Variants in PXDNL observed in about 807,000 individuals in gnomAD.
The protein encoded by PXDNL is probable oxidoreductase PXDNL.
PXDNL carries 145 observed loss-of-function variants against 150.8 expected under a neutral mutation model. The observed-to-expected ratio is 0.96, with a 90% CI of 0.84 to 1.10. The LOEUF (loss-of-function observed/expected upper bound fraction) is 1.10. PXDNL is among the 50% of genes least tolerant of loss of function. The pLI, the probability that PXDNL is intolerant of heterozygous loss-of-function variation, is 0.00. For missense variants in PXDNL, 2,087 were observed against 1,873.9 expected, an observed-to-expected ratio of 1.11 and a Z score of -2.10; for synonymous variants, 757 against 725.7, an observed-to-expected ratio of 1.04 and a Z score of -0.69.
rs373994274 is a variant in PXDNL at position 51,408,866 on chromosome 8, G to A, written c.2758C>T (p.Leu920=). The A allele has an allele frequency of 4.8e-5, 77 of 1,591,682 alleles. No individual in the cohort carries two copies. In the African/African-American group the frequency reaches 8.1e-4, roughly 17 times the overall value. ...LRDPSVPRGL[L]KTGFPWPPSG... Reference sequence around the variant, plus strand: ...GGAGGCCAAGGAAAGCCTGTCTTCAGGAGACCCCGAGGCACCGAAGGGTCT... The same window carrying A: ...GGAGGCCAAGGAAAGCCTGTCTTCAAGAGACCCCGAGGCACCGAAGGGTCT... The change falls in exon 17 of 23, where the codon CTG becomes TTG. Residue 920 remains leucine, a synonymous_variant. Coordinates refer to ENST00000356297, the MANE Select transcript of PXDNL (RefSeq NM_144651.5).
chr8:51,679,750 G>C (rs927176361), intron 1 of PXDNL, among the ~76,000 whole-genome samples: 1 of 152,138 alleles, frequency 6.6e-6, no homozygotes, highest in African/African-American at 2.4e-5. Flanking sequence ...TCAAAGCCTG[G>C]TAGTTGAATG....
intron 2 of PXDNL, among the ~76,000 whole-genome samples, chr8:51,620,708 T>TA (rs1004022047): frequency 1.6e-3 from 37 of 23,292 alleles, no homozygotes; most frequent in Non-Finnish European, 2.6e-3. Flanking sequence ...CACGCCCGGC[T>TA]AATTTTTTTT....
At chr8:51,452,629 G>A (rs1305844025) in intron 10 of PXDNL, among the ~76,000 whole-genome samples, 2 of 152,140 alleles carry the variant, frequency 1.3e-5, no homozygotes, top group Non-Finnish European at 2.9e-5. Flanking sequence ...CACTGCACTA[G>A]GCTGGCCACT....
intron 2 of PXDNL, among the ~76,000 whole-genome samples, chr8:51,605,692 T>A (rs1246124116): frequency 6.6e-6 from 1 of 152,176 alleles, no homozygotes; most frequent in African/African-American, 2.4e-5. Flanking sequence ...CCCCAAAAGT[T>A]CATGTGTTGG....
In PXDNL at chr8:51,662,222, CAA is replaced by C. The variant is rs373341221; in HGVS notation, c.165-7464_165-7463del. 2.6e-4 allele frequency among the ~76,000 whole-genome samples: 40 copies of C among 152,132 alleles called. No individual in the cohort carries two copies. The East Asian group carries it at 6.8e-3, about 26-fold the overall frequency. On this transcript the variant is annotated intron_variant, in intron 1 of 22. Coordinates refer to ENST00000356297, the MANE Select transcript of PXDNL (RefSeq NM_144651.5). ...GATCAAAAATATTTGGAAGAAGCAACAAAAAATAAAAATATGGCCGGGCATGG... is the reference window on the plus strand; with the variant it reads ...GATCAAAAATATTTGGAAGAAGCAACAAAATAAAAATATGGCCGGGCATGG...
intron 4 of PXDNL, among the ~76,000 whole-genome samples, chr8:51,531,162 A>C (rs1421640733): frequency 1.3e-5 from 2 of 152,200 alleles, no homozygotes; most frequent in African/African-American, 4.8e-5. Context: ...TCTCCCCAAC[A>C]AATGCCCCCA....
rs1563471231 is a variant in PXDNL, at chr8:51,578,003, AAGGAAGGAAGGAAGGAAGGAAGGAAGG to A, written c.308+14597_308+14623del. 3.7e-3 allele frequency among the ~76,000 whole-genome samples: 230 copies of A among 62,856 alleles called. 9 individuals carry two copies. Among genetic ancestry groups the A allele is most frequent in the African/African-American group, 0.017 (213 of 12,178 alleles). 41.2% of individuals were successfully genotyped at this position (62,856 alleles called of 152,430 possible). On this transcript the variant is annotated intron_variant, in intron 3 of 22. Coordinates refer to ENST00000356297, the MANE Select transcript of PXDNL (RefSeq NM_144651.5). ...AGAAAGAAAGAAAGAAAGAAAGAGG[AAGGAAGGAAGGAAGGAAGGAAGGAAGG>A]AAGGAAGGAAGGAAGGAAGGAAAGA...
intron 1 of PXDNL, among the ~76,000 whole-genome samples, chr8:51,770,497 A>T (rs1158931251): frequency 6.6e-6 from 1 of 152,136 alleles, no homozygotes; most frequent in African/African-American, 2.4e-5. Context: ...TTTGCTTGTT[A>T]CAGAATGTAA....
Position 51,361,597 on chromosome 8 carries a change from T to C in PXDNL, c.3901+10276A>G, listed in dbSNP as rs1806739259. ...ACTTATAGAAGTGGTAAAATCTTAC[T>C]AAAGGTAATTTAAAATTAGAATGCA... On this transcript the variant is annotated intron_variant, in intron 19 of 22. Transcript: ENST00000356297. Among the ~76,000 whole-genome samples, 3 of 152,190 alleles carry C rather than the reference T, an allele frequency of 2.0e-5. No homozygotes were observed. In the South Asian group the frequency reaches 6.2e-4, roughly 31 times the overall value.
chr8:51,506,271 A>G (rs1359665873), intron 4 of PXDNL, among the ~76,000 whole-genome samples: 4 of 152,204 alleles, frequency 2.6e-5, no homozygotes, highest in East Asian at 1.9e-4. Context: ...GGCTGGGCAC[A>G]GTGGCTCACG....
At chr8:51,391,553 T>C (rs1219278681) in intron 17 of PXDNL, among the ~76,000 whole-genome samples, 1 of 152,234 alleles carries the variant, frequency 6.6e-6, no homozygotes, top group African/African-American at 2.4e-5. Context: ...TTGAGAAGTG[T>C]CTGTTCGTGT....
chr8:51,806,111 G>C (rs1202839904), intron 1 of PXDNL, among the ~76,000 whole-genome samples: 1 of 152,100 alleles, frequency 6.6e-6, no homozygotes, highest in East Asian at 1.9e-4. Context: ...AAAATTTGGA[G>C]GGACAGTTTT....
At chr8:51,322,147 C>T (rs149893818) in intron 21 of PXDNL, among the ~76,000 whole-genome samples, 153 of 152,240 alleles carry the variant, frequency 1.0e-3, no homozygotes, top group African/African-American at 3.4e-3. Context: ...ACACTTTGAT[C>T]GTGGACTTTC....
At chr8:51,801,518 C>A (rs13252779) in intron 1 of PXDNL, among the ~76,000 whole-genome samples, 76,941 of 151,834 alleles carry the variant, frequency 0.51, 23,587 homozygotes, top group Non-Finnish European at 0.67. Context: ...CTCAGGCGGA[C>A]ATCATGGACC....
intron 1 of PXDNL, among the ~76,000 whole-genome samples, chr8:51,719,065 C>T (rs374564962): frequency 0.014 from 2,066 of 152,020 alleles, 28 homozygotes; most frequent in South Asian, 0.046. Flanking sequence ...GCCGCCACCC[C>T]GTCTGGGAGG....
At chr8:51,419,197 A>G (rs1487457196) in intron 14 of PXDNL, among the ~76,000 whole-genome samples, 2 of 152,210 alleles carry the variant, frequency 1.3e-5, no homozygotes, top group African/African-American at 4.8e-5. Context: ...TTCAGAGGAG[A>G]TAACATTGCC....
intron 21 of PXDNL, among the ~76,000 whole-genome samples, chr8:51,322,541 A>G (rs1368644004): frequency 2.0e-5 from 3 of 152,174 alleles, no homozygotes; most frequent in Non-Finnish European, 4.4e-5. Flanking sequence ...TAACATCACA[A>G]TGATCACTCC....
intron 1 of PXDNL, among the ~76,000 whole-genome samples, chr8:51,769,640 C>G (rs1424544244): frequency 6.6e-6 from 1 of 152,168 alleles, no homozygotes; most frequent in African/African-American, 2.4e-5. Flanking sequence ...AACTTAGAAC[C>G]ACCATGCCTT....
At chr8:51,583,765 T>TA (rs1257314293) in intron 3 of PXDNL, among the ~76,000 whole-genome samples, 1 of 152,108 alleles carries the variant, frequency 6.6e-6, no homozygotes, top group East Asian at 1.9e-4. Flanking sequence ...ATTAGATAGA[T>TA]AGACTGTTGG....
Sources: gnomAD v4.1 joint callset for allele counts (sites outside exome capture counted in the v4.1 genomes callset) on GRCh38, gnomAD v4.1.1 for gene constraint, MANE v1.5 for transcripts, NCBI Gene and HGNC (gene_info 2026-07-23, HGNC 2026-07-21) for gene names.